The following MTHFD1L variants were observed in gnomAD, a reference collection of about 807,000 sequenced individuals.
MTHFD1L encodes methylenetetrahydrofolate dehydrogenase (NADP+ dependent) 1 like, also known as monofunctional C1-tetrahydrofolate synthase, mitochondrial.
MTHFD1L carries 81 observed loss-of-function variants against 119.5 expected under a neutral mutation model. The observed-to-expected ratio is 0.68, with a 90% CI of 0.57 to 0.82. MTHFD1L has a LOEUF of 0.82. Ranked by LOEUF, MTHFD1L falls within the 40% of genes least tolerant of loss-of-function variation. The pLI is 0.00. For missense variants in MTHFD1L, 1,125 were observed against 1,253.4 expected (o/e 0.90, Z 1.55); for synonymous variants, 430 against 475.2 (o/e 0.90, Z 1.24).
chr6:150,989,215 G>A (rs1778733779), intron 20 of MTHFD1L, among the ~76,000 whole-genome samples: 1 of 152,140 alleles, frequency 6.6e-6, no homozygotes, highest in African/African-American at 2.4e-5. Context: ...GAGCAAAGAA[G>A]TAACTTTAGG....
chr6:150,947,598 A>G (rs1247642823), intron 15 of MTHFD1L, among the ~76,000 whole-genome samples: 3 of 147,128 alleles, frequency 2.0e-5, no homozygotes, highest in Non-Finnish European at 4.6e-5. Context: ...CTGGGCATTA[A>G]AAGTTTTAAT....
chr6:151,007,887 G>A (rs1251211409), intron 20 of MTHFD1L, among the ~76,000 whole-genome samples: 1 of 152,112 alleles, frequency 6.6e-6, no homozygotes, highest in Non-Finnish European at 1.5e-5. Context: ...TTTATTTCTC[G>A]AAATTGTTCT....
chr6:150,897,862 G>C (rs1377844543), intron 7 of MTHFD1L, among the ~76,000 whole-genome samples: 1 of 152,090 alleles, frequency 6.6e-6, no homozygotes, highest in East Asian at 1.9e-4. Flanking sequence ...AAATTTTTTT[G>C]AGACAGAGTT....
chr6:150,940,649 C>T (rs190588895), intron 13 of MTHFD1L, among the ~76,000 whole-genome samples: 4 of 152,196 alleles, frequency 2.6e-5, no homozygotes, highest in South Asian at 2.1e-4. Context: ...GGTGCAATCT[C>T]GGCTCGCTGC....
intron 8 of MTHFD1L, among the ~76,000 whole-genome samples, chr6:150,916,737 C>CTTTTTTTTTTTTTTTT (rs57961829): frequency 1.4e-5 from 1 of 72,114 alleles, no homozygotes; most frequent in African/African-American, 4.4e-5. Flanking sequence ...GATTCTATCC[C>CTTTTTTTTTTTTTTTT]TTTTTTTTTT....
intron 2 of MTHFD1L, 22 bp downstream of exon 2, chr6:150,876,196 G>A: frequency 6.6e-7 from 1 of 1,519,928 alleles, no homozygotes; most frequent in Non-Finnish European, 8.9e-7. Context: ...ACAAGGTTCA[G>A]TCCTACTATT....
chr6:150,986,543 A>C (rs1456989611), intron 20 of MTHFD1L, among the ~76,000 whole-genome samples: 1 of 152,180 alleles, frequency 6.6e-6, no homozygotes, highest in East Asian at 1.9e-4. Flanking sequence ...GATCCCTTAC[A>C]TGCGCAGTTC....
At chr6:150,942,999 A>G (rs914199454) in intron 13 of MTHFD1L, among the ~76,000 whole-genome samples, 1 of 152,128 alleles carries the variant, frequency 6.6e-6, no homozygotes, top group Non-Finnish European at 1.5e-5. Flanking sequence ...CAAGATCTCA[A>G]AGGCCGGATG....
chr6:151,019,607 T>G (rs1232880487), intron 24 of MTHFD1L, among the ~76,000 whole-genome samples: 3 of 152,204 alleles, frequency 2.0e-5, no homozygotes, highest in Non-Finnish European at 4.4e-5. Flanking sequence ...AACACACTTC[T>G]CGCTTTTCTT....
At position 150,867,025 on chromosome 6, in the gene MTHFD1L, T is replaced by A. The variant is rs113899858; in HGVS notation, c.227+976T>A. On this transcript the variant is annotated intron_variant, in intron 1 of 27. Coordinates refer to ENST00000367321, the MANE Select transcript of MTHFD1L (RefSeq NM_015440.5). Reference sequence around the variant, plus strand: ...TCTTCCCTTTCCTTCTAGCCTTCTTTCTTAGTCATTGCCTGCTTGCCTTTC... The same window carrying A: ...TCTTCCCTTTCCTTCTAGCCTTCTTACTTAGTCATTGCCTGCTTGCCTTTC... 6.6e-3 allele frequency among the ~76,000 whole-genome samples: 1,003 copies of A among 152,270 alleles called. 12 individuals carry two copies. Among genetic ancestry groups the A allele is most frequent in the African/African-American group, 0.023 (955 of 41,560 alleles).
At chr6:150,923,537 ATTTTTTC>A (rs1789400875) in intron 10 of MTHFD1L, among the ~76,000 whole-genome samples, 1 of 95,208 alleles carries the variant, frequency 1.1e-5, no homozygotes, top group Non-Finnish European at 2.0e-5. Flanking sequence ...TTATTTATTT[ATTTTTTC>A]TTTTTTTTTT....
At chr6:151,082,826 A>G (rs75149906) in intron 26 of MTHFD1L, among the ~76,000 whole-genome samples, 1 of 152,200 alleles carries the variant, frequency 6.6e-6, no homozygotes, top group South Asian at 2.1e-4. Context: ...AAAAAAAACA[A>G]AACAAAAGAA....
At chr6:150,949,180 C>A in intron 16 of MTHFD1L, 47 bp downstream of exon 16, 3 of 1,490,132 alleles carry the variant, frequency 2.0e-6, no homozygotes, top group Non-Finnish European at 2.8e-6. Flanking sequence ...GGTGGGGAGG[C>A]GTGTTCGAGC....
At chr6:151,049,018 T>C (rs948884044) in intron 26 of MTHFD1L, among the ~76,000 whole-genome samples, 1 of 152,162 alleles carries the variant, frequency 6.6e-6, no homozygotes, top group African/African-American at 2.4e-5. Context: ...CAGGCACTAA[T>C]TGCAAATCCA....
intron 26 of MTHFD1L, among the ~76,000 whole-genome samples, chr6:151,045,207 C>T (rs1310466136): frequency 6.6e-6 from 1 of 152,280 alleles, no homozygotes; most frequent in East Asian, 1.9e-4. Flanking sequence ...TCACATTTTC[C>T]AGAGATTTAC....
At chr6:150,923,235 C>T (rs1434441715) in intron 10 of MTHFD1L, among the ~76,000 whole-genome samples, 1 of 152,086 alleles carries the variant, frequency 6.6e-6, no homozygotes, top group Non-Finnish European at 1.5e-5. Context: ...GAGGTCTGAG[C>T]TACATATTCT....
At chr6:150,878,958 C>G (rs1780920110) in intron 4 of MTHFD1L, among the ~76,000 whole-genome samples, 1 of 152,144 alleles carries the variant, frequency 6.6e-6, no homozygotes, top group Non-Finnish European at 1.5e-5. Context: ...CCCCTGCTGT[C>G]TTTAAAGACA....
At chr6:151,007,041 C>T (rs968851033) in intron 20 of MTHFD1L, among the ~76,000 whole-genome samples, 1 of 152,106 alleles carries the variant, frequency 6.6e-6, no homozygotes, top group Non-Finnish European at 1.5e-5. Context: ...CTTCTCCAGT[C>T]ATGATGGATG....
At chr6:151,086,099 T>A (rs1218473902) in intron 26 of MTHFD1L, among the ~76,000 whole-genome samples, 1 of 152,130 alleles carries the variant, frequency 6.6e-6, no homozygotes, top group Admixed American at 6.6e-5. Flanking sequence ...AAGTATACTC[T>A]AAGAGCACAC....
Sources: allele counts gnomAD v4.1 joint callset (sites outside exome capture counted in the v4.1 genomes callset), GRCh38; gene constraint gnomAD v4.1.1; transcripts MANE v1.5; gene names NCBI Gene and HGNC (gene_info 2026-07-23, HGNC 2026-07-21).